Variants in RIN2 observed in about 807,000 individuals in gnomAD.
The protein encoded by RIN2 is RAB5 interacting protein 2.
A neutral mutation model predicts 78.0 loss-of-function variants in RIN2; 36 were observed. That is an observed-to-expected ratio of 0.46 (90% CI 0.35 to 0.61). RIN2 has a LOEUF of 0.61. Ranked by LOEUF, RIN2 falls within the 20% of genes least tolerant of loss-of-function variation. The probability of loss-of-function intolerance (pLI) is 0.00; values close to 1 mark genes in which losing one functional copy is unlikely to be tolerated. For synonymous variants in RIN2, 466 were observed against 466.8 expected (o/e 1.00, Z 0.02); for missense variants, 1,087 against 1,159.7 (o/e 0.94, Z 0.91).
chr20:19,782,266 A>C (rs1408287756), intron 1 of RIN2, among the ~76,000 whole-genome samples: 1 of 152,216 alleles, frequency 6.6e-6, no homozygotes, highest in Non-Finnish European at 1.5e-5. Context: ...GGCATGAGAT[A>C]CGTATTTTAA....
At chr20:19,850,562 C>T (rs1257120517) in intron 2 of RIN2, among the ~76,000 whole-genome samples, 2 of 152,184 alleles carry the variant, frequency 1.3e-5, no homozygotes, top group South Asian at 2.1e-4. Flanking sequence ...TTTGGGGATG[C>T]CTGAATTCAA....
intron 1 of RIN2, among the ~76,000 whole-genome samples, chr20:19,766,185 T>C (rs2033877703): frequency 6.6e-6 from 1 of 152,154 alleles, no homozygotes; most frequent in Non-Finnish European, 1.5e-5. Context: ...CCTTAACAGA[T>C]GGTGTGTGTT....
At chr20:19,993,821 T>G (rs1268990525) in intron 11 of RIN2, among the ~76,000 whole-genome samples, 1 of 152,202 alleles carries the variant, frequency 6.6e-6, no homozygotes, top group African/African-American at 2.4e-5. Flanking sequence ...TGTTTGTTAT[T>G]AATACAGTTT....
chr20:19,993,935 TAGAA>T (rs2042876342), intron 11 of RIN2, among the ~76,000 whole-genome samples: 1 of 152,198 alleles, frequency 6.6e-6, no homozygotes, highest in Non-Finnish European at 1.5e-5. Flanking sequence ...CGGTTTCACT[TAGAA>T]AGTCGATTCT....
At chr20:19,954,045 G>A (rs1350144832) in intron 4 of RIN2, among the ~76,000 whole-genome samples, 2 of 152,272 alleles carry the variant, frequency 1.3e-5, no homozygotes, top group East Asian at 1.9e-4. Flanking sequence ...AGAAAGTCAC[G>A]AAGGTGATGG....
intron 2 of RIN2, among the ~76,000 whole-genome samples, chr20:19,844,907 C>T (rs2123125189): frequency 6.6e-6 from 1 of 152,038 alleles, no homozygotes; most frequent in South Asian, 2.1e-4. Context: ...CAACAGGCCC[C>T]AGTGTGTGAT....
At chr20:19,872,609 T>C (rs1402692213) in intron 2 of RIN2, among the ~76,000 whole-genome samples, 3 of 152,124 alleles carry the variant, frequency 2.0e-5, no homozygotes, top group Admixed American at 1.3e-4. Context: ...TGACCTCAAG[T>C]GGGACACCCC....
At position 19,888,187 on chromosome 20, in the gene RIN2, C is replaced by T. The variant is rs192271792; in HGVS notation, c.-36-1379C>T. 1.8e-4 allele frequency among the ~76,000 whole-genome samples: 27 copies of T among 152,254 alleles called. No homozygotes were observed. In the East Asian group the frequency reaches 5.2e-3, roughly 29 times the overall value. ...TTTAAAGTGGCCACAGCACGGAGCA[C>T]TGACACAAAGAGACGATGGTTCTGG... On this transcript the variant is annotated intron_variant, in intron 2 of 12. Transcript: ENST00000255006.
chr20:19,823,646 G>A, intron 2 of RIN2: 4 of 1,562,164 alleles, frequency 2.6e-6, no homozygotes, highest in Non-Finnish European at 3.5e-6. Context: ...TTCCCACTGT[G>A]TTTAATGTTT....
chr20:19,759,777 A>C (rs2033558474), intron 1 of RIN2, among the ~76,000 whole-genome samples: 2 of 152,194 alleles, frequency 1.3e-5, no homozygotes, highest in Non-Finnish European at 2.9e-5. Context: ...AGGTGGGAGA[A>C]TCACTTGAAC....
intron 11 of RIN2, among the ~76,000 whole-genome samples, chr20:19,993,569 T>C (rs1011746019): frequency 2.6e-5 from 4 of 152,106 alleles, no homozygotes; most frequent in African/African-American, 9.7e-5. Context: ...CCGTACCCGA[T>C]CCCAGGCAGG....
intron 9 of RIN2, among the ~76,000 whole-genome samples, chr20:19,980,042 C>CT: frequency 2.4e-5 from 1 of 42,040 alleles, no homozygotes; most frequent in Non-Finnish European, 5.6e-5. Context: ...GAAACTCCAT[C>CT]TCAAAAAAAA....
chr20:19,873,298 A>T (rs2037747976), intron 2 of RIN2, among the ~76,000 whole-genome samples: 1 of 151,758 alleles, frequency 6.6e-6, no homozygotes, highest in African/African-American at 2.4e-5. Context: ...CTAATTTTTT[A>T]AAGTTTTTTG....
intron 2 of RIN2, among the ~76,000 whole-genome samples, chr20:19,877,555 T>C (rs917742039): frequency 3.3e-5 from 5 of 152,198 alleles, no homozygotes; most frequent in Non-Finnish European, 7.3e-5. Context: ...GGAGAGAGTC[T>C]GACCTCTTTG....
intron 7 of RIN2, among the ~76,000 whole-genome samples, chr20:19,967,471 A>G (rs1368799365): frequency 6.6e-6 from 1 of 152,270 alleles, no homozygotes; most frequent in Non-Finnish European, 1.5e-5. Flanking sequence ...TCAAGTAAAG[A>G]AAGTGATTGG....
chr20:19,900,865 G>A (rs550246197), intron 3 of RIN2, among the ~76,000 whole-genome samples: 30 of 144,132 alleles, frequency 2.1e-4, no homozygotes, highest in South Asian at 6.5e-4. Context: ...CAGGAGAATC[G>A]CTTGAACCCG....
intron 5 of RIN2, among the ~76,000 whole-genome samples, chr20:19,958,553 G>A (rs1600945975): frequency 6.6e-6 from 1 of 152,220 alleles, no homozygotes; most frequent in Admixed American, 6.5e-5. Flanking sequence ...CAGGAGTAAC[G>A]TGGACCAGGA....
At chr20:19,908,667 C>T (rs1202818139) in intron 3 of RIN2, among the ~76,000 whole-genome samples, 2 of 152,098 alleles carry the variant, frequency 1.3e-5, no homozygotes, top group African/African-American at 2.4e-5. Flanking sequence ...ACTAAGACTT[C>T]GAGTTTCAAA....
At chr20:19,856,328 A>G (rs375547870) in intron 2 of RIN2, among the ~76,000 whole-genome samples, 1 of 152,172 alleles carries the variant, frequency 6.6e-6, no homozygotes, top group African/African-American at 2.4e-5. Context: ...CAGCCTGGTC[A>G]ACATAGTGAC....
Sources: gnomAD v4.1 joint callset for allele counts (sites outside exome capture counted in the v4.1 genomes callset) on GRCh38, gnomAD v4.1.1 for gene constraint, MANE v1.5 for transcripts, NCBI Gene and HGNC (gene_info 2026-07-23, HGNC 2026-07-21) for gene names.